SLAIN2: variants seen among roughly 807,000 people sequenced by gnomAD.
The protein encoded by SLAIN2 is SLAIN family member 2.
SLAIN2 carries 31 observed loss-of-function variants against 56.6 expected under a neutral mutation model. The observed-to-expected ratio is 0.55, with a 90% CI of 0.41 to 0.74. The LOEUF (loss-of-function observed/expected upper bound fraction) is 0.74. SLAIN2 is among the 30% of genes least tolerant of loss of function. SLAIN2 has a pLI of 0.00. For synonymous variants in SLAIN2, 317 were observed against 284.9 expected (o/e 1.11, Z -1.13); for missense variants, 777 against 754.2 (o/e 1.03, Z -0.35).
intron 6 of SLAIN2, among the ~76,000 whole-genome samples, chr4:48,418,480 C>T (rs565786224): frequency 6.6e-6 from 1 of 152,224 alleles, no homozygotes; most frequent in African/African-American, 2.4e-5. Flanking sequence ...TTGAACCAAC[C>T]TTGCATCTTG....
intron 1 of SLAIN2, among the ~76,000 whole-genome samples, chr4:48,349,200 G>C (rs987048583): frequency 2.6e-5 from 4 of 152,112 alleles, no homozygotes; most frequent in African/African-American, 9.7e-5. Context: ...CAACCACCTT[G>C]TGCTTTGGTC....
chr4:48,411,661 T>A (rs1408777636), intron 6 of SLAIN2, among the ~76,000 whole-genome samples: 1 of 152,202 alleles, frequency 6.6e-6, no homozygotes, highest in Non-Finnish European at 1.5e-5. Flanking sequence ...GCTGGTTAAT[T>A]TTAAGAATTC....
chr4:48,401,442 A>G lies in SLAIN2; in HGVS notation c.1360+17658A>G, dbSNP rs182894740. 1.7e-3 allele frequency among the ~76,000 whole-genome samples: 252 copies of G among 152,270 alleles called. 2 individuals carry two copies. Among genetic ancestry groups the G allele is most frequent in the African/African-American group, 5.9e-3 (244 of 41,558 alleles). ...TTGTAGGTCTCTAAGAACTTGCTTTATGAATCTGGGTGCTCCTGTATTGGG... is the reference window on the plus strand; with the variant it reads ...TTGTAGGTCTCTAAGAACTTGCTTTGTGAATCTGGGTGCTCCTGTATTGGG... On this transcript the variant is annotated intron_variant, in intron 6 of 7. Coordinates refer to ENST00000264313, the MANE Select transcript of SLAIN2 (RefSeq NM_020846.2).
Position 48,414,008 on chromosome 4 carries a change from C to G in SLAIN2, c.1361-6117C>G, listed in dbSNP as rs547307843. ...ACAAACTTAGCACAATTATTAAATA[C>G]TTATTAAAAGAAAAAATATTTTAAG... On this transcript the variant is annotated intron_variant, in intron 6 of 7. Transcript: ENST00000264313. Among the ~76,000 whole-genome samples, 4 of 152,144 alleles carry G rather than the reference C, an allele frequency of 2.6e-5. No individual in the cohort carries two copies. In the South Asian group the frequency reaches 8.3e-4, roughly 32 times the overall value.
At chr4:48,396,426 G>A (rs905688703) in intron 6 of SLAIN2, among the ~76,000 whole-genome samples, 2 of 152,108 alleles carry the variant, frequency 1.3e-5, no homozygotes, top group Non-Finnish European at 2.9e-5. Flanking sequence ...GTTGAGAAAT[G>A]GACACAGATA....
chr4:48,375,309 C>G (rs1283578019), intron 2 of SLAIN2, among the ~76,000 whole-genome samples: 1 of 152,094 alleles, frequency 6.6e-6, no homozygotes, highest in Non-Finnish European at 1.5e-5. Context: ...TTTTATCTTG[C>G]ATCTTGTCTC....
At chr4:48,382,993 C>T (rs1226327339) in intron 5 of SLAIN2, 66 bp downstream of exon 5, 21 of 1,453,312 alleles carry the variant, frequency 1.4e-5, no homozygotes, top group Non-Finnish European at 1.5e-5. Context: ...AGCAAGACCC[C>T]GTCTCTAGGA....
chr4:48,376,677 A>G (rs1225367366), intron 2 of SLAIN2, among the ~76,000 whole-genome samples: 1 of 127,090 alleles, frequency 7.9e-6, no homozygotes, highest in African/African-American at 3.1e-5. Context: ...GCTGGAGTGC[A>G]GTGGCTCGAT....
chr4:48,366,255 C>T (rs1426565863), intron 1 of SLAIN2, among the ~76,000 whole-genome samples: 3 of 152,108 alleles, frequency 2.0e-5, no homozygotes, highest in Non-Finnish European at 4.4e-5. Flanking sequence ...AGAGAATGTT[C>T]CATGTGCAGT....
At chr4:48,408,479 C>T (rs1467066058) in intron 6 of SLAIN2, among the ~76,000 whole-genome samples, 1 of 142,280 alleles carries the variant, frequency 7.0e-6, no homozygotes, top group African/African-American at 2.6e-5. Flanking sequence ...TATTGATGAT[C>T]CTAACCCTGT....
At chr4:48,370,371 G>A (rs980276433) in intron 2 of SLAIN2, among the ~76,000 whole-genome samples, 7 of 152,128 alleles carry the variant, frequency 4.6e-5, no homozygotes, top group Non-Finnish European at 8.8e-5. Flanking sequence ...GATACAAGTG[G>A]AGAGCTACAG....
chr4:48,394,964 G>A (rs759732309), intron 6 of SLAIN2, among the ~76,000 whole-genome samples: 31 of 152,142 alleles, frequency 2.0e-4, no homozygotes, highest in Non-Finnish European at 7.4e-5. Flanking sequence ...GCTTTAAAAT[G>A]AACCAAATGT....
At position 48,383,513 on chromosome 4, in the gene SLAIN2, C is replaced by T. The variant is rs759643429; in HGVS notation, c.1223-134C>T. ...GAGTTGTTTGTTTTTTTTAATAAGA[C>T]AAGTCCTTTGTATTTTCTCATCTAA... On this transcript the variant is annotated intron_variant, in intron 5 of 7. Transcript: ENST00000264313. The T allele has an allele frequency of 3.9e-6, 3 of 774,612 alleles. No homozygotes were observed. In the African/African-American group the frequency reaches 5.3e-5, roughly 14 times the overall value. The allele number at this position is 774,612 out of a possible 1,614,324, so 48.0% of individuals were successfully genotyped here. A position where few individuals can be genotyped will look rare whatever the true frequency, so the allele number is the denominator to read the frequency against.
intron 1 of SLAIN2, among the ~76,000 whole-genome samples, chr4:48,347,934 G>A (rs1714912223): frequency 6.6e-6 from 1 of 152,198 alleles, no homozygotes; most frequent in African/African-American, 2.4e-5. Context: ...GTGGTAGAAT[G>A]TGTCATTTTA....
At chr4:48,409,231 A>G (rs967074797) in intron 6 of SLAIN2, among the ~76,000 whole-genome samples, 2 of 152,294 alleles carry the variant, frequency 1.3e-5, no homozygotes, top group Non-Finnish European at 2.9e-5. Context: ...ATATACAATT[A>G]AGTTATTGTT....
At chr4:48,387,117 C>T (rs1306154262) in intron 6 of SLAIN2, among the ~76,000 whole-genome samples, 1 of 151,916 alleles carries the variant, frequency 6.6e-6, no homozygotes, top group African/African-American at 2.4e-5. Context: ...TATCCTCTAC[C>T]TCGTCCCCTC....
chr4:48,421,834 G>A (rs1304429045), intron 7 of SLAIN2, among the ~76,000 whole-genome samples, 177 bp from the exon 8 acceptor site: 4 of 151,782 alleles, frequency 2.6e-5, no homozygotes, highest in South Asian at 2.1e-4. Context: ...CTTGGAAGTT[G>A]TGAAAATGCA....
intron 6 of SLAIN2, among the ~76,000 whole-genome samples, chr4:48,390,056 A>G (rs1294000085): frequency 6.6e-6 from 1 of 150,982 alleles, no homozygotes; most frequent in African/African-American, 2.4e-5. Context: ...TGAGATCTGG[A>G]TGAATTTTGT....
In SLAIN2 at chr4:48,422,235, A is replaced by C. The variant is rs372469639; in HGVS notation, c.*158A>C. 12 of 592,016 alleles carry C rather than the reference A, an allele frequency of 2.0e-5. 1 individual carries two copies. The highest frequency in any genetic ancestry group is 1.9e-4 in the African/African-American group (10 of 53,734). The allele number at this position is 592,016 out of a possible 1,614,324, so 36.7% of individuals were successfully genotyped here. On this transcript the variant is annotated 3_prime_UTR_variant, in exon 8 of 8. Coordinates refer to ENST00000264313, the MANE Select transcript of SLAIN2 (RefSeq NM_020846.2). ...TTAGCACAAACCGACAGAGATCATC[A>C]AACAGCACTTTAATGACATTTAACA...
Sources: gnomAD v4.1 joint callset for allele counts (sites outside exome capture counted in the v4.1 genomes callset) on GRCh38, gnomAD v4.1.1 for gene constraint, MANE v1.5 for transcripts, NCBI Gene and HGNC (gene_info 2026-07-23, HGNC 2026-07-21) for gene names.